L3MBTL4: variants seen among roughly 807,000 people sequenced by gnomAD.
L3MBTL4 encodes L3MBTL histone methyl-lysine binding protein 4.
L3MBTL4 carries 70 observed loss-of-function variants against 84.5 expected under a neutral mutation model. The ratio of observed to expected loss-of-function variants is 0.83; its 90% confidence interval spans 0.68 to 1.01. L3MBTL4 has a LOEUF of 1.01. L3MBTL4 is among the 50% of genes least tolerant of loss of function. The pLI, the probability that L3MBTL4 is intolerant of heterozygous loss-of-function variation, is 0.00. For synonymous variants in L3MBTL4, 274 were observed against 259.8 expected, an observed-to-expected ratio of 1.05 and a Z score of -0.52; for missense variants, 715 against 754.8, an observed-to-expected ratio of 0.95 and a Z score of 0.62.
intron 13 of L3MBTL4, among the ~76,000 whole-genome samples, chr18:6,155,229 T>G (rs1349081724): frequency 6.6e-6 from 1 of 152,184 alleles, no homozygotes; most frequent in Non-Finnish European, 1.5e-5. Flanking sequence ...TTGGTGGTTA[T>G]AGAAATAACA....
At chr18:6,306,100 C>T (rs543507287) in intron 3 of L3MBTL4, among the ~76,000 whole-genome samples, 1 of 152,318 alleles carries the variant, frequency 6.6e-6, no homozygotes, top group East Asian at 1.9e-4. Context: ...CTGTAGAAAA[C>T]AGTGAAATCC....
intron 16 of L3MBTL4, among the ~76,000 whole-genome samples, chr18:5,979,855 T>C (rs1435365931): frequency 6.6e-6 from 1 of 152,198 alleles, no homozygotes; most frequent in Non-Finnish European, 1.5e-5. Flanking sequence ...TATCTCAAAA[T>C]AAACATTGCT....
chr18:6,002,875 C>T (rs143524267), intron 16 of L3MBTL4, among the ~76,000 whole-genome samples: 1,835 of 151,598 alleles, frequency 0.012, 30 homozygotes, highest in African/African-American at 0.043. Context: ...ATGAACTAAA[C>T]TCTCTAATCA....
At chr18:6,052,502 G>A (rs1053952950) in intron 16 of L3MBTL4, among the ~76,000 whole-genome samples, 1 of 152,208 alleles carries the variant, frequency 6.6e-6, no homozygotes, top group East Asian at 1.9e-4. Context: ...CTCCCTGCCA[G>A]TTGCTGGCTA....
intron 5 of L3MBTL4, among the ~76,000 whole-genome samples, chr18:6,250,019 G>A (rs902021476): frequency 2.0e-5 from 3 of 152,174 alleles, no homozygotes; most frequent in South Asian, 2.1e-4. Flanking sequence ...CAGGCAAAAC[G>A]AAACCTGGCT....
Position 6,414,854 on chromosome 18 carries a change from G to A in L3MBTL4, c.-144C>T, listed in dbSNP as rs947476199. ...GCCGACCGAGCTACAGGCGGGGGGC[G>A]AGTCGGAGCGCGAGGTTCCGCCAGC... On this transcript the variant is annotated 5_prime_UTR_variant, in exon 1 of 19. Coordinates refer to ENST00000317931, the MANE Select transcript of L3MBTL4 (RefSeq NM_001330559.2). The surrounding 1 kb of genome is among the most constrained non-coding windows in gnomAD (Gnocchi z 5.4). 1 of 150,396 alleles carries A rather than the reference G, an allele frequency of 6.6e-6. No homozygotes were observed. Among genetic ancestry groups the A allele is most frequent in the Admixed American group, 6.6e-5 (1 of 15,106 alleles). The allele number at this position is 150,396 out of a possible 1,614,324, so 9.3% of individuals were successfully genotyped here.
chr18:6,021,690 T>C (rs188295691), intron 16 of L3MBTL4, among the ~76,000 whole-genome samples: 6 of 152,220 alleles, frequency 3.9e-5, no homozygotes, highest in African/African-American at 9.6e-5. Context: ...TTCTTCAATA[T>C]AGACAAACGG....
intron 4 of L3MBTL4, among the ~76,000 whole-genome samples, chr18:6,265,300 A>C (rs2048582213): frequency 6.6e-6 from 1 of 152,196 alleles, no homozygotes; most frequent in Non-Finnish European, 1.5e-5. Context: ...TTTGTAATTC[A>C]ACAAAATTAT....
intron 1 of L3MBTL4, among the ~76,000 whole-genome samples, chr18:6,331,530 A>G (rs1211844995): frequency 1.3e-5 from 2 of 152,214 alleles, no homozygotes; most frequent in Non-Finnish European, 1.5e-5. Flanking sequence ...AAAGCCCACA[A>G]TGAAGCTCAC....
chr18:6,099,585 A>T (rs11665104), intron 14 of L3MBTL4, among the ~76,000 whole-genome samples: 17 of 64,658 alleles, frequency 2.6e-4, no homozygotes, highest in South Asian at 1.3e-3. Context: ...AGATAATGTA[A>T]ATATATATAT....
chr18:6,249,846 A>G (rs931110617), intron 5 of L3MBTL4, among the ~76,000 whole-genome samples: 1 of 152,252 alleles, frequency 6.6e-6, no homozygotes, highest in African/African-American at 2.4e-5. Context: ...TATAAGGTTC[A>G]GAGACCTGGA....
chr18:6,283,902 C>T (rs2146611397), intron 4 of L3MBTL4, among the ~76,000 whole-genome samples: 2 of 152,314 alleles, frequency 1.3e-5, no homozygotes, highest in African/African-American at 4.8e-5. Context: ...AGAAGTCACT[C>T]TTCAGAAGGA....
chr18:5,972,471 C>T (rs1250340054), intron 16 of L3MBTL4, among the ~76,000 whole-genome samples: 1 of 152,008 alleles, frequency 6.6e-6, no homozygotes, highest in Non-Finnish European at 1.5e-5. Flanking sequence ...TTGGCAAGGT[C>T]CCCAGTGTGT....
At chr18:6,362,683 C>G (rs928441670) in intron 1 of L3MBTL4, among the ~76,000 whole-genome samples, 6 of 152,146 alleles carry the variant, frequency 3.9e-5, no homozygotes, top group Non-Finnish European at 8.8e-5. Context: ...TGCACTTTTT[C>G]CAATAAAACA....
chr18:6,373,654 A>G (rs578202701), intron 1 of L3MBTL4, among the ~76,000 whole-genome samples: 27 of 152,284 alleles, frequency 1.8e-4, no homozygotes, highest in Middle Eastern at 6.8e-3. Context: ...CAGATTATGC[A>G]CCGTACAAAA....
chr18:5,966,983 G>A (rs190669198), intron 17 of L3MBTL4, among the ~76,000 whole-genome samples: 87 of 152,298 alleles, frequency 5.7e-4, no homozygotes, highest in African/African-American at 1.9e-3. Flanking sequence ...GCCCCACCAA[G>A]GCCCTGATGG....
chr18:6,105,449 C>T (rs910533920), intron 14 of L3MBTL4, among the ~76,000 whole-genome samples: 3 of 151,598 alleles, frequency 2.0e-5, no homozygotes, highest in African/African-American at 4.8e-5. Context: ...CTCGATCTCC[C>T]GAAGTGCTGG....
chr18:6,157,082 T>C (rs77119994), intron 13 of L3MBTL4, among the ~76,000 whole-genome samples: 1,920 of 152,314 alleles, frequency 0.013, 33 homozygotes, highest in African/African-American at 0.044. Flanking sequence ...ACGTATTATT[T>C]TTTTCTCGAT....
intron 12 of L3MBTL4, among the ~76,000 whole-genome samples, chr18:6,191,802 C>T (rs1451441958): frequency 6.6e-6 from 1 of 151,958 alleles, no homozygotes; most frequent in Non-Finnish European, 1.5e-5. Flanking sequence ...AGCCTGCACA[C>T]CATAATGGGA....
Sources: gnomAD v4.1 joint callset for allele counts (sites outside exome capture counted in the v4.1 genomes callset) on GRCh38, gnomAD v4.1.1 for gene constraint, Gnocchi (gnomAD v3.1) non-coding constraint, MANE v1.5 for transcripts, NCBI Gene and HGNC (gene_info 2026-07-23, HGNC 2026-07-21) for gene names.